Variants in HMCN1 observed in about 807,000 individuals in gnomAD.
HMCN1 encodes the protein hemicentin 1, also known as hemicentin-1.
In HMCN1, 321 loss-of-function variants were observed where a neutral mutation model predicts 625.9. The ratio of observed to expected loss-of-function variants is 0.51; its 90% CI spans 0.47 to 0.56. The LOEUF (loss-of-function observed/expected upper bound fraction) is 0.56. HMCN1 is among the 20% of genes least tolerant of loss of function. The pLI is 0.00. For synonymous variants in HMCN1, 2,425 were observed against 2,417.6 expected (o/e 1.00, Z -0.09); for missense variants, 6,588 against 6,887.3 (o/e 0.96, Z 1.54).
chr1:186,113,006 C>A, intron 72 of HMCN1, 53 bp downstream of exon 72: 1 of 1,596,964 alleles, frequency 6.3e-7, no homozygotes, highest in Non-Finnish European at 8.6e-7. Flanking sequence ...CAAGGGCATT[C>A]AAAGAGATGA....
chr1:185,966,136 C>T (rs906106478), intron 14 of HMCN1, among the ~76,000 whole-genome samples: 10 of 152,206 alleles, frequency 6.6e-5, no homozygotes, highest in African/African-American at 1.7e-4. Flanking sequence ...AGGAAAAGTT[C>T]GCCTTTGCTA....
chr1:185,925,409 G>A (rs948349521), intron 9 of HMCN1, among the ~76,000 whole-genome samples: 2 of 152,082 alleles, frequency 1.3e-5, no homozygotes, highest in African/African-American at 4.8e-5. Flanking sequence ...TATAATAAAT[G>A]CTTGAACATA....
chr1:186,151,006 G>A (rs970629777), intron 93 of HMCN1, among the ~76,000 whole-genome samples, 194 bp from the exon 94 acceptor site: 2 of 152,046 alleles, frequency 1.3e-5, no homozygotes, highest in African/African-American at 4.8e-5. Context: ...AGATTTATGG[G>A]TGATGATGGT....
chr1:185,787,081 A>G (rs993512682), intron 1 of HMCN1, among the ~76,000 whole-genome samples: 1 of 151,698 alleles, frequency 6.6e-6, no homozygotes, highest in Admixed American at 6.6e-5. Flanking sequence ...ATGTGTTTAT[A>G]TGTGTGCATT....
chr1:186,094,223 T>C (rs920605612), intron 66 of HMCN1, 53 bp from the exon 67 acceptor site: 1 of 1,267,050 alleles, frequency 7.9e-7, no homozygotes, highest in Admixed American at 1.7e-5. Context: ...TTATTTTATG[T>C]GTACTTGTTG....
intron 52 of HMCN1, 135 bp from the exon 53 acceptor site, chr1:186,074,605 TA>T: frequency 1.4e-6 from 1 of 738,648 alleles, no homozygotes; most frequent in Non-Finnish European, 2.2e-6. Flanking sequence ...TTATTTTGAT[TA>T]AACTATTGTC....
chr1:185,794,750 C>G (rs1359967322), intron 1 of HMCN1, among the ~76,000 whole-genome samples: 1 of 151,876 alleles, frequency 6.6e-6, no homozygotes, highest in Non-Finnish European at 1.5e-5. Flanking sequence ...CTCACAGACA[C>G]ACCTAGGATC....
Position 186,001,246 on chromosome 1 carries a change from T to C in HMCN1, c.4070-52T>C. 4 of 1,523,882 alleles carry C rather than the reference T, an allele frequency of 2.6e-6. No homozygotes were observed. The South Asian group carries it at 4.6e-5, about 17-fold the overall frequency. The allele number at this position is 1,523,882 out of a possible 1,614,324, so 94.4% of individuals were successfully genotyped here. On this transcript the variant is annotated intron_variant, in intron 26 of 106. Transcript: ENST00000271588. ...TAAAGGCCCTTATAAAGAAACTCTA[T>C]AAATAATATTTATTATGAAACTAGC...
At chr1:185,970,277 C>T in intron 14 of HMCN1, 58 bp from the exon 15 acceptor site, 1 of 1,475,874 alleles carries the variant, frequency 6.8e-7, no homozygotes, top group Non-Finnish European at 9.5e-7. Flanking sequence ...AAACCAATAG[C>T]TGCATAAACA....
At position 186,088,662 on chromosome 1, in the gene HMCN1, G is replaced by A; in HGVS notation, c.9634G>A (p.Ala3212Thr). ...GTCTGGAGGTAGCAAACTCCAGATTGCCCGGTCTCAGCATTCAGATAGTGG... is the reference window on the plus strand; with the variant it reads ...GTCTGGAGGTAGCAAACTCCAGATTACCCGGTCTCAGCATTCAGATAGTGG... ...ILSGGSKLQIARSQHSDSGNY... is the reference protein window; with the variant it reads ...ILSGGSKLQITRSQHSDSGNY... The change falls in exon 63 of 107, where the codon GCC becomes ACC. Residue 3212 changes from alanine (A) to threonine (T), a missense_variant. By Grantham distance (58) the Ala-to-Thr change is moderately conservative. This residue lies in a region of HMCN1 where 4,628 missense variants were observed against 4,853.1 expected (regional missense o/e 0.95). Coordinates refer to ENST00000271588, the MANE Select transcript of HMCN1 (RefSeq NM_031935.3). The A allele has an allele frequency of 6.2e-7, 1 of 1,611,974 alleles. No homozygotes were observed. Among genetic ancestry groups the A allele is most frequent in the Non-Finnish European group, 8.5e-7 (1 of 1,178,776 alleles).
intron 54 of HMCN1, among the ~76,000 whole-genome samples, chr1:186,077,556 G>A (rs1054870072): frequency 1.2e-4 from 18 of 152,162 alleles, no homozygotes; most frequent in African/African-American, 3.6e-4. Flanking sequence ...GAGAGATAAG[G>A]CAAATGGAGT....
At chr1:185,760,505 C>A (rs901839722) in intron 1 of HMCN1, among the ~76,000 whole-genome samples, 6 of 152,078 alleles carry the variant, frequency 3.9e-5, no homozygotes, top group Non-Finnish European at 8.8e-5. Flanking sequence ...TGTTTGATAA[C>A]AATTCACTTT....
At chr1:186,004,926 A>G (rs1413300257) in intron 29 of HMCN1, among the ~76,000 whole-genome samples, 1 of 152,138 alleles carries the variant, frequency 6.6e-6, no homozygotes, top group Non-Finnish European at 1.5e-5. Flanking sequence ...CTCACCAATT[A>G]AAAAGAATAA....
intron 58 of HMCN1, 142 bp from the exon 59 acceptor site, chr1:186,087,075 A>G: frequency 1.5e-6 from 1 of 672,694 alleles, no homozygotes; most frequent in East Asian, 2.7e-5. Flanking sequence ...AACTGATCCA[A>G]TTATTTTATT....
At chr1:185,965,691 T>C (rs1021297267) in intron 13 of HMCN1, 111 bp from the exon 14 acceptor site, 1 of 737,994 alleles carries the variant, frequency 1.4e-6, no homozygotes, top group Non-Finnish European at 2.5e-6. Context: ...TTATAAATAT[T>C]GAAATGGCCA....
chr1:186,101,994 C>T (rs987774587), intron 68 of HMCN1, among the ~76,000 whole-genome samples: 2 of 151,902 alleles, frequency 1.3e-5, no homozygotes, highest in Non-Finnish European at 2.9e-5. Context: ...TTCTCAGTTG[C>T]GGGACTATGA....
chr1:186,063,763 T>C (rs966425315), intron 48 of HMCN1, among the ~76,000 whole-genome samples: 1 of 152,134 alleles, frequency 6.6e-6, no homozygotes, highest in Non-Finnish European at 1.5e-5. Context: ...TGTTAGCATG[T>C]TTGAATATTA....
At chr1:185,933,432 GCA>G (rs1290238213) in intron 10 of HMCN1, 115 bp from the exon 11 acceptor site, 3 of 957,486 alleles carry the variant, frequency 3.1e-6, no homozygotes, top group Non-Finnish European at 4.9e-6. Flanking sequence ...AAGTTCTGTT[GCA>G]CTGCATCTTT....
chr1:186,159,790 A>C (rs1465418352), intron 97 of HMCN1, among the ~76,000 whole-genome samples: 3 of 152,196 alleles, frequency 2.0e-5, no homozygotes, highest in African/African-American at 7.2e-5. Context: ...ATGGTGGATA[A>C]GCTTTTTGAT....
Sources: gnomAD v4.1 joint callset for allele counts (sites outside exome capture counted in the v4.1 genomes callset) on GRCh38, gnomAD v4.1.1 for gene constraint, gnomAD v4.1.1 regional missense constraint, MANE v1.5 for transcripts, NCBI Gene and HGNC (gene_info 2026-07-23, HGNC 2026-07-21) for gene names.